The following ARHGAP21 variants were observed in gnomAD, a reference collection of about 807,000 sequenced individuals.
The protein encoded by ARHGAP21 is Rho GTPase activating protein 21, also known as rho GTPase-activating protein 21.
A neutral mutation model predicts 164.6 loss-of-function variants in ARHGAP21; 38 were observed. The ratio of observed to expected loss-of-function variants is 0.23; its 90% confidence interval spans 0.18 to 0.30. ARHGAP21 has a LOEUF of 0.30. ARHGAP21 is among the 10% of genes least tolerant of loss of function. ARHGAP21 has a pLI of 1.00. For synonymous variants in ARHGAP21, 766 were observed against 857.9 expected (o/e 0.89, Z 1.87); for missense variants, 1,822 against 2,370.7 (o/e 0.77, Z 4.81).
intron 4 of ARHGAP21, among the ~76,000 whole-genome samples, chr10:24,665,583 T>G (rs554822968): frequency 6.6e-6 from 1 of 152,144 alleles, no homozygotes; most frequent in Non-Finnish European, 1.5e-5. Context: ...AAAAATCAGA[T>G]CAGTGATTGT....
chr10:24,687,483 T>G (rs1842324581), intron 2 of ARHGAP21, among the ~76,000 whole-genome samples: 1 of 152,230 alleles, frequency 6.6e-6, no homozygotes, highest in African/African-American at 2.4e-5. Context: ...TTTGAGGCAG[T>G]GAGTGCATAT....
intron 21 of ARHGAP21, among the ~76,000 whole-genome samples, chr10:24,594,634 T>C (rs185148361): frequency 1.1e-4 from 17 of 148,822 alleles, no homozygotes; most frequent in South Asian, 6.5e-4. Flanking sequence ...ATTTGGCCTT[T>C]TGACTGTTGT....
rs141096378 is a variant in ARHGAP21 at position 24,684,840 on chromosome 10, C to T, written c.64-14443G>A. Among the ~76,000 whole-genome samples, 235 of 152,154 alleles carry T rather than the reference C, an allele frequency of 1.5e-3. 5 individuals carry two copies. The East Asian group carries it at 0.038, about 25-fold the overall frequency. On this transcript the variant is annotated intron_variant, in intron 2 of 25. Coordinates refer to ENST00000396432, the MANE Select transcript of ARHGAP21 (RefSeq NM_020824.4). ...TTTTAGTAGAGACAGGGTTTCACCA[C>T]GTTTGCCAGGCTGGTCTCGAACTCC...
intron 2 of ARHGAP21, among the ~76,000 whole-genome samples, chr10:24,674,107 C>A (rs1840982060): frequency 6.6e-6 from 1 of 152,148 alleles, no homozygotes. Flanking sequence ...TCGAAAGACA[C>A]TTCCTGGCCA....
chr10:24,634,744 T>G (rs1385549768), intron 5 of ARHGAP21, among the ~76,000 whole-genome samples: 1 of 152,228 alleles, frequency 6.6e-6, no homozygotes, highest in African/African-American at 2.4e-5. Flanking sequence ...CAAAATTTGT[T>G]CCTTTAAAGA....
At chr10:24,717,797 T>C (rs1845534525) in intron 2 of ARHGAP21, among the ~76,000 whole-genome samples, 1 of 152,128 alleles carries the variant, frequency 6.6e-6, no homozygotes, top group Non-Finnish European at 1.5e-5. Flanking sequence ...TGGCGCGATT[T>C]TGGCTACCTG....
intron 4 of ARHGAP21, among the ~76,000 whole-genome samples, chr10:24,656,065 C>A (rs74692551): frequency 0.012 from 1,782 of 148,328 alleles, 61 homozygotes; most frequent in African/African-American, 0.042. Flanking sequence ...CGGCAGCTGC[C>A]CCGTCTAAGA....
In ARHGAP21 at chr10:24,723,726, GGCCGCTCCCAGGCACC is replaced by G. The variant is rs1846155988; in HGVS notation, c.-561_-546del. 1 of 146,712 alleles carries G rather than the reference GGCCGCTCCCAGGCACC, an allele frequency of 6.8e-6. No individual in the cohort carries two copies. The highest frequency in any genetic ancestry group is 1.5e-5 in the Non-Finnish European group (1 of 66,172). The allele number at this position is 146,712 out of a possible 1,614,324, so 9.1% of individuals were successfully genotyped here. A position where few individuals can be genotyped will look rare whatever the true frequency, so the allele number is the denominator to read the frequency against. ...CGCTCCGAGGCCGCCGCCCCCGGCC[GGCCGCTCCCAGGCACC>G]GCCGCGACCTGCCCCGGCCGGCCCC... On this transcript the variant is annotated 5_prime_UTR_variant, in exon 1 of 26. Coordinates refer to ENST00000396432, the MANE Select transcript of ARHGAP21 (RefSeq NM_020824.4).
Position 24,670,380 on chromosome 10 carries a change from A to G in ARHGAP21, c.81T>C (p.Asp27=), listed in dbSNP as rs149970549. The G allele has an allele frequency of 4.7e-5, 75 of 1,594,576 alleles. No homozygotes were observed. The African/African-American group carries it at 8.6e-4, about 18-fold the overall frequency. The change falls in exon 3 of 26, where the codon GAT becomes GAC. Residue 27 remains aspartate (D), a synonymous_variant. Coordinates refer to ENST00000396432, the MANE Select transcript of ARHGAP21 (RefSeq NM_020824.4). ...ATACAGTTTCACTTTGTTCTTTTCCATCTTTATTTTTTGAGACCTAAAGTG... is the reference window on the plus strand; with the variant it reads ...ATACAGTTTCACTTTGTTCTTTTCCGTCTTTATTTTTTGAGACCTAAAGTG... ...LKACEVSKNK[D]GKEQSETVSL...
At chr10:24,614,634 T>G (rs2077398242) in intron 9 of ARHGAP21, among the ~76,000 whole-genome samples, 1 of 150,292 alleles carries the variant, frequency 6.7e-6, no homozygotes, top group African/African-American at 2.5e-5. Flanking sequence ...AATACAAAAA[T>G]TAGCCGGGTG....
intron 4 of ARHGAP21, among the ~76,000 whole-genome samples, chr10:24,636,258 A>C (rs1565069939): frequency 6.6e-6 from 1 of 152,244 alleles, no homozygotes; most frequent in African/African-American, 2.4e-5. Context: ...AGTGACAAAC[A>C]GCATAAGTAT....
intron 2 of ARHGAP21, among the ~76,000 whole-genome samples, chr10:24,719,532 G>A (rs1202931896): frequency 2.0e-5 from 3 of 152,086 alleles, no homozygotes; most frequent in Non-Finnish European, 4.4e-5. Flanking sequence ...ATAAAGTTAG[G>A]TTTTCTTGGC....
chr10:24,608,063 TAC>T (rs1169541556), intron 9 of ARHGAP21, among the ~76,000 whole-genome samples, 160 bp from the exon 10 acceptor site: 1 of 152,144 alleles, frequency 6.6e-6, no homozygotes, highest in African/African-American at 2.4e-5. Context: ...AAAATTGATT[TAC>T]AGTTATTACT....
Position 24,584,514 on chromosome 10 carries a change from G to A in ARHGAP21, c.5775C>T (p.Ser1925=), listed in dbSNP as rs750428777. Residue 1925 remains serine, a synonymous_variant, in exon 26 of 26, where the codon AGC becomes AGT. Transcript: ENST00000396432. The stretch of plus-strand genomic sequence containing the variant: ...TAGCATTTTTGCTCACGTTCTGGAA[G>A]CTTTCTCCGTTTATTTGGTCAGGTG... ...PQSPDQINGE[S]FQNVSKNASS... is the part of the protein sequence containing the mutation. The A allele has an allele frequency of 3.1e-6, 5 of 1,613,848 alleles. No individual in the cohort carries two copies. The highest frequency in any genetic ancestry group is 4.2e-6 in the Non-Finnish European group (5 of 1,179,870).
intron 2 of ARHGAP21, among the ~76,000 whole-genome samples, chr10:24,691,421 C>T (rs914511642): frequency 1.3e-5 from 2 of 152,164 alleles, no homozygotes; most frequent in Admixed American, 1.3e-4. Flanking sequence ...TCAAATACAT[C>T]GCTGAGGTCA....
At chr10:24,625,326 TGAA>T (rs1043886178) in intron 7 of ARHGAP21, among the ~76,000 whole-genome samples, 2 of 104,010 alleles carry the variant, frequency 1.9e-5, no homozygotes, top group African/African-American at 6.9e-5. Flanking sequence ...AAAAAAAACC[TGAA>T]GAATAAATAA....
chr10:24,660,053 T>C (rs10764485), intron 4 of ARHGAP21, among the ~76,000 whole-genome samples: 74,375 of 151,732 alleles, frequency 0.49, 18,474 homozygotes, highest in Middle Eastern at 0.55. Context: ...CCATCATCAT[T>C]ATCATCTTCA....
At chr10:24,590,776 CCAGTTCAA>C in intron 24 of ARHGAP21, 1 of 985,270 alleles carries the variant, frequency 1.0e-6, no homozygotes, top group Non-Finnish European at 1.2e-6. Flanking sequence ...GTGCCCATTA[CCAGTTCAA>C]CAGATTTAAC....
At chr10:24,711,162 AAG>A (rs1407927269) in intron 2 of ARHGAP21, among the ~76,000 whole-genome samples, 1 of 150,764 alleles carries the variant, frequency 6.6e-6, no homozygotes, top group Non-Finnish European at 1.5e-5. Context: ...GGGAGGGAAA[AAG>A]AGAAAGAAAG....
Sources: gnomAD v4.1 joint callset for allele counts (sites outside exome capture counted in the v4.1 genomes callset) on GRCh38, gnomAD v4.1.1 for gene constraint, MANE v1.5 for transcripts, NCBI Gene and HGNC (gene_info 2026-07-23, HGNC 2026-07-21) for gene names.